The following GUCY1A2 variants were observed in gnomAD, a reference collection of about 807,000 sequenced individuals.
The protein encoded by GUCY1A2 is guanylate cyclase soluble subunit alpha-2.
Under a neutral mutation model 63.5 loss-of-function variants are expected in GUCY1A2, and 27 were observed. That is an observed-to-expected ratio of 0.43 (90% CI 0.31 to 0.59). GUCY1A2 has a LOEUF of 0.59. GUCY1A2 is among the 20% of genes least tolerant of loss of function. GUCY1A2 has a pLI of 0.11. For synonymous variants in GUCY1A2, 364 were observed against 343.5 expected, an observed-to-expected ratio of 1.06 and a Z score of -0.66; for missense variants, 768 against 913.3, an observed-to-expected ratio of 0.84 and a Z score of 2.05.
intron 6 of GUCY1A2, among the ~76,000 whole-genome samples, chr11:106,748,776 C>T (rs979114247): frequency 3.5e-4 from 53 of 150,700 alleles, no homozygotes; most frequent in Admixed American, 3.2e-3. Flanking sequence ...ATTATCTTTT[C>T]GGCCAATGTT....
intron 2 of GUCY1A2, 21 bp downstream of exon 2, chr11:106,986,049 C>T (rs1415603537): frequency 2.4e-6 from 3 of 1,229,554 alleles, no homozygotes; most frequent in Non-Finnish European, 3.6e-6. Flanking sequence ...CCAATAATAA[C>T]CGAAATCAAT....
In GUCY1A2 at chr11:106,955,779, G is replaced by A. The variant is rs1860975949; in HGVS notation, c.488-15601C>T. The stretch of plus-strand genomic sequence containing the variant: ...GAAACTGATAATTATGTGTCTTGGG[G>A]TTGATCTTCTTACAGAGTATCTTAA... On this transcript the variant is annotated intron_variant, in intron 3 of 7. Transcript: ENST00000526355. Among the ~76,000 whole-genome samples, 3 of 151,956 alleles carry A rather than the reference G, an allele frequency of 2.0e-5. No homozygotes were observed. In the South Asian group the frequency reaches 6.2e-4, roughly 32 times the overall value.
intron 4 of GUCY1A2, among the ~76,000 whole-genome samples, chr11:106,932,354 C>G (rs905460790): frequency 6.6e-6 from 1 of 151,802 alleles, no homozygotes; most frequent in Non-Finnish European, 1.5e-5. Flanking sequence ...AGTAACTATA[C>G]AGGAACAATG....
intron 6 of GUCY1A2, among the ~76,000 whole-genome samples, chr11:106,736,633 A>G (rs1388362908): frequency 6.6e-6 from 1 of 152,088 alleles, no homozygotes; most frequent in Non-Finnish European, 1.5e-5. Context: ...GGTTCCATAT[A>G]TATTTCAGAA....
At chr11:106,908,257 T>TG (rs763777983) in intron 4 of GUCY1A2, among the ~76,000 whole-genome samples, 3 of 152,010 alleles carry the variant, frequency 2.0e-5, no homozygotes, top group Non-Finnish European at 4.4e-5. Flanking sequence ...CTAAACATAG[T>TG]GAAAAACTCA....
chr11:106,960,063 T>A (rs956821085), intron 3 of GUCY1A2, among the ~76,000 whole-genome samples: 2 of 152,208 alleles, frequency 1.3e-5, no homozygotes, highest in South Asian at 2.1e-4. Flanking sequence ...TCTTTCCACA[T>A]AGTTCTCATT....
intron 6 of GUCY1A2, among the ~76,000 whole-genome samples, chr11:106,743,282 G>A (rs185707851): frequency 7.2e-5 from 11 of 152,130 alleles, no homozygotes; most frequent in South Asian, 2.1e-4. Context: ...GTACCTTCCC[G>A]CTTGAAAAAG....
In GUCY1A2 at chr11:106,903,863, C is replaced by T. The variant is rs147514760; in HGVS notation, c.1206+35597G>A. Among the ~76,000 whole-genome samples, 18 of 152,242 alleles carry T rather than the reference C, an allele frequency of 1.2e-4. No individual in the cohort carries two copies. In the East Asian group the frequency reaches 3.5e-3, roughly 29 times the overall value. On this transcript the variant is annotated intron_variant, in intron 4 of 7. Coordinates refer to ENST00000526355, the MANE Select transcript of GUCY1A2 (RefSeq NM_000855.3). Reference sequence around the variant, plus strand: ...TAGCAACATAGCAGCTCATAATTCCCAGCTAATAATATAAAGATAACATAG... The same window carrying T: ...TAGCAACATAGCAGCTCATAATTCCTAGCTAATAATATAAAGATAACATAG...
At chr11:106,824,959 A>G (rs1858947692) in intron 4 of GUCY1A2, 2 of 1,613,242 alleles carry the variant, frequency 1.2e-6, no homozygotes, top group Non-Finnish European at 1.7e-6. Flanking sequence ...GATGCCTGAC[A>G]TGAATGTTAC....
intron 3 of GUCY1A2, among the ~76,000 whole-genome samples, chr11:106,971,728 C>T (rs899642786): frequency 2.6e-5 from 4 of 152,082 alleles, no homozygotes; most frequent in Admixed American, 6.5e-5. Context: ...CATATATTCT[C>T]TTGCTCTGTC....
At chr11:106,809,886 A>G in intron 5 of GUCY1A2, 107 bp downstream of exon 5, 1 of 700,052 alleles carries the variant, frequency 1.4e-6, no homozygotes, top group Non-Finnish European at 2.3e-6. Flanking sequence ...TCTAAATTAA[A>G]GAGTTGTCAA....
intron 6 of GUCY1A2, among the ~76,000 whole-genome samples, chr11:106,752,216 C>T (rs929432267): frequency 2.6e-5 from 4 of 152,022 alleles, no homozygotes; most frequent in South Asian, 2.1e-4. Flanking sequence ...AAAATATAAA[C>T]GTAACAAAAC....
intron 4 of GUCY1A2, among the ~76,000 whole-genome samples, chr11:106,928,938 CTG>C (rs921343705): frequency 6.6e-6 from 1 of 152,146 alleles, no homozygotes; most frequent in Non-Finnish European, 1.5e-5. Context: ...ATGTGGTAAA[CTG>C]TACTCATTTC....
At chr11:106,754,287 C>A (rs1400996440) in intron 6 of GUCY1A2, among the ~76,000 whole-genome samples, 8 of 152,196 alleles carry the variant, frequency 5.3e-5, no homozygotes, top group Non-Finnish European at 8.8e-5. Context: ...AATGTACAAT[C>A]ATGTCATCTG....
chr11:106,971,459 C>T (rs1222246282), intron 3 of GUCY1A2, among the ~76,000 whole-genome samples: 3 of 152,034 alleles, frequency 2.0e-5, no homozygotes, highest in Non-Finnish European at 4.4e-5. Context: ...ATTGTTTCCC[C>T]TGGGAGTTTC....
chr11:107,000,909 ACAGACT>A (rs935352649), intron 1 of GUCY1A2, among the ~76,000 whole-genome samples: 1 of 152,228 alleles, frequency 6.6e-6, no homozygotes, highest in African/African-American at 2.4e-5. Flanking sequence ...AAGAAGGCAA[ACAGACT>A]CAGAGTGACC....
Position 106,716,220 on chromosome 11 carries a change from G to A in GUCY1A2, c.1837-7554C>T, listed in dbSNP as rs6588918. ...GCAGTTTGTAAGGCTGAGGGAATAT[G>A]CCCCACAGCAGATCATATAGCACAG... On this transcript the variant is annotated intron_variant, in intron 6 of 7. Transcript: ENST00000526355. Among the ~76,000 whole-genome samples the A allele has an allele frequency of 6.7e-3, 1,014 of 152,236 alleles. 13 individuals carry two copies. The highest frequency in any genetic ancestry group is 0.022 in the African/African-American group (918 of 41,548).
intron 6 of GUCY1A2, among the ~76,000 whole-genome samples, chr11:106,723,107 G>A (rs753871310): frequency 5.9e-5 from 9 of 152,028 alleles, no homozygotes; most frequent in African/African-American, 9.7e-5. Context: ...TTGTCTCCCC[G>A]ATCCTTTATG....
chr11:106,825,957 C>T (rs371291726), intron 4 of GUCY1A2, among the ~76,000 whole-genome samples: 15 of 151,980 alleles, frequency 9.9e-5, no homozygotes, highest in African/African-American at 3.1e-4. Flanking sequence ...TATTAGCAAA[C>T]GAGATATTGC....
Sources: allele counts gnomAD v4.1 joint callset (sites outside exome capture counted in the v4.1 genomes callset), GRCh38; gene constraint gnomAD v4.1.1; transcripts MANE v1.5; gene names NCBI Gene and HGNC (gene_info 2026-07-23, HGNC 2026-07-21).